Variants in GSE1 observed in about 807,000 individuals in gnomAD.
GSE1 encodes Gse1 coiled-coil protein.
In GSE1, 32 loss-of-function variants were observed where a neutral mutation model predicts 112.6. The ratio of observed to expected loss-of-function variants is 0.28; its 90% CI spans 0.21 to 0.38. The LOEUF (loss-of-function observed/expected upper bound fraction) is 0.38. GSE1 is among the 10% of genes least tolerant of loss of function. GSE1 has a pLI of 1.00. For missense variants in GSE1, 2,348 were observed against 1,699.2 expected (o/e 1.38, Z -6.71); for synonymous variants, 1,115 against 735.6 (o/e 1.52, Z -8.35).
intron 1 of GSE1, among the ~76,000 whole-genome samples, chr16:85,234,175 C>A (rs905205567): frequency 6.6e-6 from 1 of 152,146 alleles, no homozygotes; most frequent in African/African-American, 2.4e-5. Flanking sequence ...GGAAGGTATC[C>A]ACTCCCCGCC....
chr16:85,430,308 C>T (rs1010698621), intron 2 of GSE1, among the ~76,000 whole-genome samples: 2 of 152,148 alleles, frequency 1.3e-5, no homozygotes, highest in African/African-American at 2.4e-5. Context: ...AAGGAAGAAC[C>T]GAGATCAGCC....
chr16:85,348,394 C>T (rs1434520311), intron 1 of GSE1, among the ~76,000 whole-genome samples: 1 of 152,216 alleles, frequency 6.6e-6, no homozygotes, highest in Non-Finnish European at 1.5e-5. Flanking sequence ...GGACTCTCAG[C>T]TCCACCTTTG....
intron 1 of GSE1, among the ~76,000 whole-genome samples, chr16:85,575,174 A>C (rs907454130): frequency 6.6e-6 from 1 of 152,198 alleles, no homozygotes; most frequent in Admixed American, 6.5e-5. Flanking sequence ...GTTTGAAGAA[A>C]TACTGGCAGG....
At chr16:85,442,441 G>GATGAATGAATGAATGAATGA (rs57785914) in intron 2 of GSE1, among the ~76,000 whole-genome samples, 1 of 150,356 alleles carries the variant, frequency 6.7e-6, no homozygotes, top group Non-Finnish European at 1.5e-5. Context: ...TGAATGAATG[G>GATGAATGAATGAATGAATGA]ATGAATGAAT....
At position 85,258,670 on chromosome 16, in the gene GSE1, C is replaced by A. The variant is rs866650474; in HGVS notation, c.2283+86863C>A. 2.0e-5 allele frequency among the ~76,000 whole-genome samples: 3 copies of A among 152,208 alleles called. No individual in the cohort carries two copies. In the East Asian group the frequency reaches 5.8e-4, roughly 30 times the overall value. ...GGAGGGAGAGGGTTGTCAAAGCGGT[C>A]GGGCCTGGAGGGGTTCCCAGATGTC... On this transcript the variant is annotated intron_variant, in intron 1 of 2. Transcript: ENST00000637419.
chr16:85,523,811 G>A (rs568664699), intron 2 of GSE1, among the ~76,000 whole-genome samples: 62 of 152,390 alleles, frequency 4.1e-4, no homozygotes, highest in Middle Eastern at 3.4e-3. Flanking sequence ...GCCCTCAGGC[G>A]CAGCGGTCTG....
intron 1 of GSE1, among the ~76,000 whole-genome samples, chr16:85,581,179 T>C (rs1397175185): frequency 6.6e-6 from 1 of 152,158 alleles, no homozygotes; most frequent in East Asian, 1.9e-4. Flanking sequence ...CCGCAGCAGC[T>C]CTCCAGCCTC....
At chr16:85,651,590 C>T (rs543841107) in intron 3 of GSE1, among the ~76,000 whole-genome samples, 27 of 152,320 alleles carry the variant, frequency 1.8e-4, no homozygotes, top group African/African-American at 4.1e-4. Flanking sequence ...ACCCGGCCCA[C>T]GGCGCGGGCA....
intron 2 of GSE1, among the ~76,000 whole-genome samples, chr16:85,522,512 C>T (rs1183991275): frequency 2.2e-5 from 3 of 139,224 alleles, no homozygotes; most frequent in African/African-American, 9.0e-5. Flanking sequence ...GTGATTGGAT[C>T]CAGCCAGTGG....
intron 2 of GSE1, among the ~76,000 whole-genome samples, chr16:85,471,388 C>A (rs527296966): frequency 6.6e-6 from 1 of 152,152 alleles, no homozygotes; most frequent in Non-Finnish European, 1.5e-5. Context: ...GCTCATAGGC[C>A]TTTCAGCCCA....
chr16:85,447,777 C>T (rs1193059030), intron 2 of GSE1, among the ~76,000 whole-genome samples: 1 of 152,250 alleles, frequency 6.6e-6, no homozygotes, highest in African/African-American at 2.4e-5. Context: ...GAGCAGCCAC[C>T]TGCACCTTTA....
At chr16:85,327,992 T>G (rs1314066288) in intron 1 of GSE1, among the ~76,000 whole-genome samples, 1 of 152,190 alleles carries the variant, frequency 6.6e-6, no homozygotes, top group Non-Finnish European at 1.5e-5. Context: ...TGGCCATGCA[T>G]GAATCCAGCT....
chr16:85,649,789 G>C (rs1463402316), intron 3 of GSE1, among the ~76,000 whole-genome samples: 1 of 152,192 alleles, frequency 6.6e-6, no homozygotes, highest in Non-Finnish European at 1.5e-5. Context: ...GGGAGGAGGG[G>C]AGAGTCACTC....
intron 2 of GSE1, among the ~76,000 whole-genome samples, chr16:85,535,829 T>C (rs1199149691): frequency 1.3e-5 from 2 of 152,346 alleles, no homozygotes; most frequent in African/African-American, 4.8e-5. Flanking sequence ...CAGCGGACCT[T>C]CTTTCTTAAT....
intron 1 of GSE1, among the ~76,000 whole-genome samples, chr16:85,279,427 C>G (rs547488153): frequency 1.5e-4 from 23 of 152,282 alleles, no homozygotes; most frequent in African/African-American, 5.1e-4. Context: ...GGCATTATAG[C>G]AAGACCCTGT....
At chr16:85,569,906 G>A (rs55832645) in intron 1 of GSE1, among the ~76,000 whole-genome samples, 1,737 of 152,298 alleles carry the variant, frequency 0.011, 32 homozygotes, top group African/African-American at 0.04. Context: ...ACCTCTGTGT[G>A]GAGATGAGGC....
At chr16:85,469,864 T>C (rs934723261) in intron 2 of GSE1, among the ~76,000 whole-genome samples, 3 of 152,060 alleles carry the variant, frequency 2.0e-5, no homozygotes, top group Non-Finnish European at 4.4e-5. Context: ...ACACCACGAG[T>C]GGGAGGCAAG....
At chr16:85,309,755 G>A (rs550260871) in intron 1 of GSE1, among the ~76,000 whole-genome samples, 3 of 152,194 alleles carry the variant, frequency 2.0e-5, no homozygotes, top group Non-Finnish European at 4.4e-5. Flanking sequence ...AGAGCCGAGC[G>A]GCAGGCTGAG....
At chr16:85,568,445 G>A (rs2045850375) in intron 1 of GSE1, among the ~76,000 whole-genome samples, 1 of 152,262 alleles carries the variant, frequency 6.6e-6, no homozygotes, top group South Asian at 2.1e-4. Context: ...CACTGGATCA[G>A]TGGGAAGATG....
Sources: gnomAD v4.1 joint callset for allele counts (sites outside exome capture counted in the v4.1 genomes callset) on GRCh38, gnomAD v4.1.1 for gene constraint, MANE v1.5 for transcripts, NCBI Gene and HGNC (gene_info 2026-07-23, HGNC 2026-07-21) for gene names.